Variants in NLN observed in about 807,000 individuals in gnomAD.
NLN encodes the protein neurolysin, mitochondrial.
Under a neutral mutation model 79.9 loss-of-function variants are expected in NLN, and 64 were observed. The ratio of observed to expected loss-of-function variants is 0.80; its 90% CI spans 0.65 to 0.99. The LOEUF (loss-of-function observed/expected upper bound fraction) is 0.99. NLN is among the 50% of genes least tolerant of loss of function. The pLI, the probability that NLN is intolerant of heterozygous loss-of-function variation, is 0.00. For synonymous variants in NLN, 267 were observed against 296.6 expected (o/e 0.90, Z 1.02); for missense variants, 835 against 858.7 (o/e 0.97, Z 0.34).
intron 3 of NLN, among the ~76,000 whole-genome samples, chr5:65,776,271 T>C (rs979377700): frequency 6.6e-6 from 1 of 152,198 alleles, no homozygotes; most frequent in Non-Finnish European, 1.5e-5. Flanking sequence ...AAAATAATTT[T>C]TTAGCAGGCA....
At chr5:65,793,637 A>C (rs1760112742) in intron 9 of NLN, 1 of 152,116 alleles carries the variant, frequency 6.6e-6, no homozygotes, top group Admixed American at 6.6e-5. Context: ...ACTTAAAAAA[A>C]AAAAAAAGAA....
At chr5:65,783,919 T>C (rs551435906) in intron 6 of NLN, among the ~76,000 whole-genome samples, 1 of 152,316 alleles carries the variant, frequency 6.6e-6, no homozygotes, top group Non-Finnish European at 1.5e-5. Flanking sequence ...ATAATAATTA[T>C]AACAGATAAT....
At chr5:65,752,632 C>T (rs1759124713) in intron 1 of NLN, among the ~76,000 whole-genome samples, 1 of 152,022 alleles carries the variant, frequency 6.6e-6, no homozygotes, top group African/African-American at 2.4e-5. Context: ...AAGGGGAAGA[C>T]GAGATCAATG....
At chr5:65,766,603 A>G (rs1759458359) in intron 3 of NLN, among the ~76,000 whole-genome samples, 1 of 152,186 alleles carries the variant, frequency 6.6e-6, no homozygotes. Flanking sequence ...CACAAATCTC[A>G]TGTCCTTTTC....
At chr5:65,781,222 A>C in intron 5 of NLN, 39 bp from the exon 6 acceptor site, 3 of 1,427,358 alleles carry the variant, frequency 2.1e-6, no homozygotes, top group Non-Finnish European at 2.9e-6. Flanking sequence ...ACCAGCAATG[A>C]GTGGAAAATT....
rs534382558 is a variant in NLN, at chr5:65,768,675, G to GTTCT, written c.450+5568_450+5571dup. On this transcript the variant is annotated intron_variant, in intron 3 of 12. Coordinates refer to ENST00000380985, the MANE Select transcript of NLN (RefSeq NM_020726.5). ...GAGATCAGTGTGCCAGCATGGTTGG[G>GTTCT]TTCTGGTGAGAGCCCTCTTCCTGGC... is the stretch of plus-strand genomic sequence containing the variant. Among the ~76,000 whole-genome samples, 29 of 152,338 alleles carry GTTCT rather than the reference G, an allele frequency of 1.9e-4. 1 individual carries two copies. Among genetic ancestry groups the GTTCT allele is most frequent in the African/African-American group, 6.7e-4 (28 of 41,584 alleles).
Position 65,758,804 on chromosome 5 carries a change from A to G in NLN, c.279A>G (p.Ala93=), listed in dbSNP as rs1457904163. The change falls in exon 2 of 13, where the codon GCA becomes GCG. Residue 93 remains alanine (A), a synonymous_variant. Transcript: ENST00000380985. ...ACGAGAACTGTCTGCAGGCACTGGCAGATGTAGAAGTAAAGTATATAGGTG... is the reference window on the plus strand; with the variant it reads ...ACGAGAACTGTCTGCAGGCACTGGCGGATGTAGAAGTAAAGTATATAGGTG... ...VTYENCLQAL[A]DVEVKYIVER... The G allele has an allele frequency of 3.1e-6, 5 of 1,613,696 alleles. No individual in the cohort carries two copies. The highest frequency in any genetic ancestry group is 4.2e-6 in the Non-Finnish European group (5 of 1,179,690).
At position 65,791,241 on chromosome 5, in the gene NLN, G is replaced by GTCT. The variant is rs1355234806; in HGVS notation, c.1326-1212_1326-1211insCTT. 9.2e-5 allele frequency among the ~76,000 whole-genome samples: 14 copies of GTCT among 152,056 alleles called. No individual in the cohort carries two copies. The East Asian group carries it at 2.7e-3, about 29-fold the overall frequency. ...GTTCAAGACCAGCTTGGTCAACATG[G>GTCT]TGAAACCCCATCTCTAGTAAAAATA... On this transcript the variant is annotated intron_variant, in intron 8 of 12. Transcript: ENST00000380985.
In NLN at chr5:65,777,616, A is replaced by G. The variant is rs1019363774; in HGVS notation, c.558+82A>G. 4 of 900,486 alleles carry G rather than the reference A, an allele frequency of 4.4e-6. No homozygotes were observed. The African/African-American group carries it at 6.8e-5, about 15-fold the overall frequency. 55.8% of individuals were successfully genotyped at this position (900,486 alleles called of 1,614,324 possible). A position where few individuals can be genotyped will look rare whatever the true frequency, so the allele number is the denominator to read the frequency against. ...TACTGGTTGAACATCCCTAATCCAG[A>G]AATCCAAAATGCTCCACAGTCTGCA... is the stretch of plus-strand genomic sequence containing the variant. On this transcript the variant is annotated intron_variant, in intron 4 of 12. Transcript: ENST00000380985.
At chr5:65,797,215 G>T (rs1381673991) in intron 9 of NLN, among the ~76,000 whole-genome samples, 1 of 152,170 alleles carries the variant, frequency 6.6e-6, no homozygotes, top group East Asian at 1.9e-4. Flanking sequence ...AGCCTCCATT[G>T]TGATGTCTGT....
chr5:65,730,105 G>C (rs1004227354), intron 1 of NLN, among the ~76,000 whole-genome samples: 4 of 152,140 alleles, frequency 2.6e-5, no homozygotes, highest in Non-Finnish European at 5.9e-5. Flanking sequence ...TCTTGGTCTG[G>C]GGATATAGCA....
intron 7 of NLN, 146 bp downstream of exon 7, chr5:65,786,056 G>A (rs1579949871): frequency 3.2e-6 from 2 of 633,432 alleles, no homozygotes. Context: ...GTGTTAGATA[G>A]TGTGCTTGGT....
intron 8 of NLN, 106 bp from the exon 9 acceptor site, chr5:65,792,348 G>A (rs6896574): frequency 0.18 from 126,228 of 690,664 alleles, 15,171 homozygotes; most frequent in African/African-American, 0.5. Flanking sequence ...AATGTTTAAA[G>A]GCATCTCTGG....
At chr5:65,812,208 C>G (rs747655042) in intron 11 of NLN, 47 bp from the exon 12 acceptor site, 5 of 1,555,774 alleles carry the variant, frequency 3.2e-6, no homozygotes, top group Non-Finnish European at 4.4e-6. Flanking sequence ...TTAACCTGAT[C>G]ATTAACGTTT....
chr5:65,761,095 A>G (rs1357178798), intron 2 of NLN, among the ~76,000 whole-genome samples: 2 of 152,046 alleles, frequency 1.3e-5, no homozygotes, highest in Non-Finnish European at 2.9e-5. Flanking sequence ...AGCATTGTCT[A>G]TGGTTTGGCA....
chr5:65,808,912 A>C (rs534701579), intron 9 of NLN, among the ~76,000 whole-genome samples: 2 of 152,372 alleles, frequency 1.3e-5, no homozygotes, highest in South Asian at 4.1e-4. Context: ...AGAACCACTC[A>C]TTTAAAGTTT....
chr5:65,785,759 T>C lies in NLN; in HGVS notation c.823-16T>C. The C allele has an allele frequency of 6.2e-7, 1 of 1,610,758 alleles. No individual in the cohort carries two copies. Among genetic ancestry groups the C allele is most frequent in the Non-Finnish European group, 8.5e-7 (1 of 1,177,142 alleles). ...TATTGATTAGCCTTTATTTTGTTGCTGTTGTTTATTACTAGGAAAACACCA... is the reference window on the plus strand; with the variant it reads ...TATTGATTAGCCTTTATTTTGTTGCCGTTGTTTATTACTAGGAAAACACCA... On this transcript the variant is annotated splice_polypyrimidine_tract_variant and intron_variant, in intron 6 of 12. Coordinates refer to ENST00000380985, the MANE Select transcript of NLN (RefSeq NM_020726.5).
At chr5:65,724,247 A>T (rs1051540228) in intron 1 of NLN, among the ~76,000 whole-genome samples, 41 of 152,224 alleles carry the variant, frequency 2.7e-4, no homozygotes, top group African/African-American at 8.9e-4. Flanking sequence ...CCTATTACAC[A>T]ATAACTGCCC....
intron 1 of NLN, among the ~76,000 whole-genome samples, chr5:65,725,984 C>T (rs1031314982): frequency 4.6e-5 from 7 of 152,030 alleles, no homozygotes; most frequent in African/African-American, 1.7e-4. Flanking sequence ...TGGTGGCGGG[C>T]GCCTGTAGTC....
Sources: allele counts gnomAD v4.1 joint callset (sites outside exome capture counted in the v4.1 genomes callset), GRCh38; gene constraint gnomAD v4.1.1; transcripts MANE v1.5; gene names NCBI Gene and HGNC (gene_info 2026-07-23, HGNC 2026-07-21).